PPP6R3: variants seen among roughly 807,000 people sequenced by gnomAD.
The protein encoded by PPP6R3 is protein phosphatase 6 regulatory subunit 3, also known as serine/threonine-protein phosphatase 6 regulatory subunit 3.
Under a neutral mutation model 110.7 loss-of-function variants are expected in PPP6R3, and 38 were observed. That is an observed-to-expected ratio of 0.34 (90% CI 0.26 to 0.45). PPP6R3 has a LOEUF of 0.45. Among genes scored for constraint, PPP6R3 ranks in the 20% least tolerant of loss-of-function variants. The pLI is 1.00. For synonymous variants in PPP6R3, 369 were observed against 373.5 expected, an observed-to-expected ratio of 0.99 and a Z score of 0.14; for missense variants, 870 against 1,062.4, an observed-to-expected ratio of 0.82 and a Z score of 2.52.
chr11:68,553,449 A>T (rs1322754154), intron 6 of PPP6R3, among the ~76,000 whole-genome samples: 1 of 151,662 alleles, frequency 6.6e-6, no homozygotes, highest in African/African-American at 2.4e-5. Context: ...ATGCGCCACC[A>T]CGCCTGGCTA....
intron 6 of PPP6R3, 135 bp from the exon 7 acceptor site, chr11:68,554,010 C>A: frequency 1.6e-6 from 1 of 637,412 alleles, no homozygotes; most frequent in Non-Finnish European, 2.7e-6. Context: ...TCTCTCTTGG[C>A]CTTGACCTTT....
chr11:68,533,305 A>C (rs184849215), intron 2 of PPP6R3, among the ~76,000 whole-genome samples: 40 of 152,312 alleles, frequency 2.6e-4, no homozygotes, highest in Admixed American at 2.4e-3. Context: ...CTGTGGATAT[A>C]TTTTGGTTTT....
chr11:68,563,366 A>G (rs1055374275), intron 8 of PPP6R3, among the ~76,000 whole-genome samples: 3 of 152,090 alleles, frequency 2.0e-5, no homozygotes, highest in Admixed American at 6.5e-5. Flanking sequence ...TCCTCTTTAC[A>G]TTGCCTTCCC....
Position 68,614,390 on chromosome 11 carries a change from C to G in PPP6R3, c.*1273C>G. 7.9e-7 allele frequency: 1 copy of G among 1,265,430 alleles called. No individual in the cohort carries two copies. Among genetic ancestry groups the G allele is most frequent in the Non-Finnish European group, 1.0e-6 (1 of 1,003,768 alleles). The allele number at this position is 1,265,430 out of a possible 1,614,324, so 78.4% of individuals were successfully genotyped here. On this transcript the variant is annotated 3_prime_UTR_variant, in exon 24 of 24. Transcript: ENST00000393800. ...TGGTGAAAGGGTTAAATTACTTCACCTCTTGCACTTTTAGATGCAAATCAG... is the reference window on the plus strand; with the variant it reads ...TGGTGAAAGGGTTAAATTACTTCACGTCTTGCACTTTTAGATGCAAATCAG...
intron 1 of PPP6R3, among the ~76,000 whole-genome samples, chr11:68,493,187 G>A (rs984090903): frequency 1.3e-5 from 2 of 152,088 alleles, no homozygotes; most frequent in African/African-American, 4.8e-5. Context: ...CCTGAATCCT[G>A]ATACTTCCAA....
At chr11:68,484,574 T>A (rs566718313) in intron 1 of PPP6R3, among the ~76,000 whole-genome samples, 169 of 150,644 alleles carry the variant, frequency 1.1e-3, no homozygotes, top group Middle Eastern at 3.5e-3. Context: ...ATATATATTT[T>A]TATATATATA....
chr11:68,470,454 G>C (rs1303783913), intron 1 of PPP6R3, among the ~76,000 whole-genome samples: 1 of 152,124 alleles, frequency 6.6e-6, no homozygotes, highest in African/African-American at 2.4e-5. Context: ...AGTGGGAGGA[G>C]GGTAGGCCAG....
chr11:68,570,361 C>T (rs2099498821), intron 11 of PPP6R3, among the ~76,000 whole-genome samples: 1 of 152,136 alleles, frequency 6.6e-6, no homozygotes, highest in Admixed American at 6.5e-5. Flanking sequence ...TTTACTAAGT[C>T]AGTCTTCAGA....
At chr11:68,589,514 T>C (rs1168962950) in intron 16 of PPP6R3, among the ~76,000 whole-genome samples, 1 of 152,132 alleles carries the variant, frequency 6.6e-6, no homozygotes, top group Non-Finnish European at 1.5e-5. Context: ...GCATCTGACA[T>C]TGGGATAGAA....
intron 1 of PPP6R3, among the ~76,000 whole-genome samples, chr11:68,506,516 T>G (rs1337173471): frequency 6.6e-6 from 1 of 150,992 alleles, no homozygotes; most frequent in African/African-American, 2.4e-5. Flanking sequence ...ATGATTCATG[T>G]ATACAATGCA....
At chr11:68,580,604 G>C (rs1054770667) in intron 14 of PPP6R3, among the ~76,000 whole-genome samples, 7 of 152,108 alleles carry the variant, frequency 4.6e-5, no homozygotes, top group Non-Finnish European at 1.0e-4. Context: ...AGTTGAAGAA[G>C]AGTGAAGGTG....
intron 1 of PPP6R3, among the ~76,000 whole-genome samples, chr11:68,508,690 T>C (rs1486102587): frequency 1.3e-5 from 2 of 152,234 alleles, no homozygotes. Context: ...TTCTTAAATG[T>C]TATTTTTATA....
chr11:68,603,728 G>A (rs568603748), intron 22 of PPP6R3, among the ~76,000 whole-genome samples: 2 of 152,296 alleles, frequency 1.3e-5, no homozygotes, highest in East Asian at 3.9e-4. Flanking sequence ...ACATCTAGCA[G>A]TTTGATAGAA....
chr11:68,477,463 G>A (rs1247321583), intron 1 of PPP6R3, among the ~76,000 whole-genome samples: 1 of 151,928 alleles, frequency 6.6e-6, no homozygotes, highest in East Asian at 1.9e-4. Flanking sequence ...ACTTATGCCT[G>A]TTATCCCGAC....
intron 1 of PPP6R3, among the ~76,000 whole-genome samples, chr11:68,474,253 C>G (rs1262924198): frequency 6.6e-6 from 1 of 152,110 alleles, no homozygotes; most frequent in Non-Finnish European, 1.5e-5. Context: ...GCTTTGTTGC[C>G]TAGGCTGGTC....
intron 1 of PPP6R3, among the ~76,000 whole-genome samples, chr11:68,472,180 A>G (rs997140512): frequency 6.6e-6 from 1 of 152,186 alleles, no homozygotes; most frequent in African/African-American, 2.4e-5. Context: ...ATAGCAAAGC[A>G]AGAGAGAGGC....
At chr11:68,604,143 G>A (rs912861752) in intron 22 of PPP6R3, among the ~76,000 whole-genome samples, 2 of 152,164 alleles carry the variant, frequency 1.3e-5, no homozygotes, top group African/African-American at 4.8e-5. Context: ...TACAAAACAA[G>A]GAGTGAAAGA....
intron 2 of PPP6R3, among the ~76,000 whole-genome samples, chr11:68,531,331 A>G (rs2099238768): frequency 6.7e-6 from 1 of 149,682 alleles, no homozygotes; most frequent in African/African-American, 2.5e-5. Context: ...TTATTTATTT[A>G]TTTATTTATT....
chr11:68,523,811 C>T (rs111307690), intron 2 of PPP6R3, among the ~76,000 whole-genome samples: 5 of 142,806 alleles, frequency 3.5e-5, no homozygotes, highest in Admixed American at 3.0e-4. Flanking sequence ...CTTCCTAAAT[C>T]GTTTAAGTTT....
Sources: gnomAD v4.1 joint callset for allele counts (sites outside exome capture counted in the v4.1 genomes callset) on GRCh38, gnomAD v4.1.1 for gene constraint, MANE v1.5 for transcripts, NCBI Gene and HGNC (gene_info 2026-07-23, HGNC 2026-07-21) for gene names.